TMEFF1: variants seen among roughly 807,000 people sequenced by gnomAD.
TMEFF1 encodes tomoregulin-1.
A neutral mutation model predicts 47.5 loss-of-function variants in TMEFF1; 20 were observed. That is an observed-to-expected ratio of 0.42 (90% CI 0.30 to 0.61). The LOEUF (loss-of-function observed/expected upper bound fraction) is 0.61, where lower values mean the gene tolerates loss of function less well. Ranked by LOEUF, TMEFF1 falls within the 20% of genes least tolerant of loss-of-function variation. TMEFF1 has a pLI of 0.19. For missense variants in TMEFF1, 411 were observed against 471.1 expected (o/e 0.87, Z 1.18); for synonymous variants, 162 against 166.3 (o/e 0.97, Z 0.20).
intron 9 of TMEFF1, among the ~76,000 whole-genome samples, chr9:100,573,476 G>T (rs1839286144): frequency 1.3e-5 from 2 of 152,178 alleles, no homozygotes; most frequent in Non-Finnish European, 2.9e-5. Context: ...CTGGGCCTGA[G>T]AAAAGTCAGA....
intron 5 of TMEFF1, among the ~76,000 whole-genome samples, chr9:100,532,361 C>A (rs1306922697): frequency 6.6e-6 from 1 of 152,114 alleles, no homozygotes; most frequent in African/African-American, 2.4e-5. Context: ...GGGCTAATAT[C>A]CAGAATCTAC....
chr9:100,503,025 T>C (rs372395908), intron 2 of TMEFF1, among the ~76,000 whole-genome samples: 51 of 152,288 alleles, frequency 3.3e-4, no homozygotes, highest in African/African-American at 1.1e-3. Context: ...CTTTATAAGA[T>C]TATAAATCTG....
intron 5 of TMEFF1, among the ~76,000 whole-genome samples, chr9:100,538,109 T>C (rs1838555802): frequency 6.6e-6 from 1 of 152,094 alleles, no homozygotes; most frequent in African/African-American, 2.4e-5. Flanking sequence ...CTAGAGTGCA[T>C]TGGCGCAGTA....
At chr9:100,531,629 G>C (rs1838379912) in intron 5 of TMEFF1, among the ~76,000 whole-genome samples, 1 of 152,098 alleles carries the variant, frequency 6.6e-6, no homozygotes, top group Admixed American at 6.6e-5. Flanking sequence ...TCATGGGTAG[G>C]AAGAATCAAT....
intron 7 of TMEFF1, among the ~76,000 whole-genome samples, chr9:100,551,020 A>G (rs1838819926): frequency 1.3e-5 from 2 of 152,258 alleles, no homozygotes; most frequent in Non-Finnish European, 2.9e-5. Context: ...AAGATTGAGG[A>G]TCAATGAGGT....
intron 5 of TMEFF1, among the ~76,000 whole-genome samples, chr9:100,529,283 A>T (rs201403973): frequency 3.2e-4 from 47 of 147,108 alleles, no homozygotes; most frequent in South Asian, 4.4e-4. Flanking sequence ...TCCAATTAAA[A>T]GACACAGACT....
intron 1 of TMEFF1, among the ~76,000 whole-genome samples, chr9:100,493,396 G>A (rs1161315170): frequency 6.6e-6 from 1 of 152,150 alleles, no homozygotes; most frequent in Admixed American, 6.5e-5. Flanking sequence ...GTATCATTCT[G>A]GAAGGCTGCT....
chr9:100,514,703 A>C lies in TMEFF1; in HGVS notation c.463+1370A>C, dbSNP rs547718445. Among the ~76,000 whole-genome samples, 17 of 151,806 alleles carry C rather than the reference A, an allele frequency of 1.1e-4. No homozygotes were observed. In the East Asian group the frequency reaches 2.3e-3, roughly 21 times the overall value. ...CTGTCTCTACCCCAAAAAAAAAAAA[A>C]AAAACAAAAGGCCGGGCACAGTGGC... On this transcript the variant is annotated intron_variant, in intron 4 of 9. Transcript: ENST00000374879.
intron 1 of TMEFF1, among the ~76,000 whole-genome samples, chr9:100,476,988 G>A (rs933966778): frequency 2.0e-5 from 3 of 152,160 alleles, no homozygotes; most frequent in Non-Finnish European, 2.9e-5. Context: ...GAGCCACCGC[G>A]CCCGGCCTAT....
intron 4 of TMEFF1, among the ~76,000 whole-genome samples, chr9:100,514,686 A>ACC (rs199779857): frequency 1.6e-5 from 2 of 123,766 alleles, no homozygotes; most frequent in African/African-American, 6.5e-5. Flanking sequence ...CCCTGTCTCT[A>ACC]CCCCAAAAAA....
At position 100,479,023 on chromosome 9, in the gene TMEFF1, C is replaced by T. The variant is rs146868336; in HGVS notation, c.196+5283C>T. 2.6e-3 allele frequency among the ~76,000 whole-genome samples: 394 copies of T among 152,142 alleles called. 2 individuals are homozygous for T. Among genetic ancestry groups the T allele is most frequent in the South Asian group, 0.021 (99 of 4,814 alleles). On this transcript the variant is annotated intron_variant, in intron 1 of 9. Coordinates refer to ENST00000374879, the MANE Select transcript of TMEFF1 (RefSeq NM_003692.5). The stretch of plus-strand genomic sequence containing the variant: ...TGGTGGTAGGAATGGTATTAATGGA[C>T]GATATAAATGTCAGATTATGAGAAG...
chr9:100,542,508 T>C (rs1459663208), intron 5 of TMEFF1, among the ~76,000 whole-genome samples: 1 of 152,246 alleles, frequency 6.6e-6, no homozygotes, highest in African/African-American at 2.4e-5. Flanking sequence ...ACTTTTATTT[T>C]ACCCTTATTC....
chr9:100,572,133 C>T (rs1344006540), intron 8 of TMEFF1, among the ~76,000 whole-genome samples: 1 of 151,634 alleles, frequency 6.6e-6, no homozygotes, highest in Non-Finnish European at 1.5e-5. Context: ...GATAAATATA[C>T]GTAATTTTAT....
At chr9:100,568,086 G>A (rs1027102413) in intron 8 of TMEFF1, among the ~76,000 whole-genome samples, 2 of 152,144 alleles carry the variant, frequency 1.3e-5, no homozygotes, top group African/African-American at 4.8e-5. Context: ...GGGAGTTGTG[G>A]GAGTTACTAT....
At chr9:100,482,444 C>T (rs546343420) in intron 1 of TMEFF1, among the ~76,000 whole-genome samples, 10 of 149,436 alleles carry the variant, frequency 6.7e-5, no homozygotes, top group South Asian at 4.3e-4. Flanking sequence ...GTAATCTGCC[C>T]GCCTCGGCCT....
intron 5 of TMEFF1, 88 bp from the exon 6 acceptor site, chr9:100,547,656 C>T: frequency 7.5e-7 from 1 of 1,326,702 alleles, no homozygotes; most frequent in Non-Finnish European, 9.8e-7. Context: ...TTACAGAAAG[C>T]AGAAGAAAGA....
chr9:100,522,430 C>CTTTTTTTT lies in TMEFF1; in HGVS notation c.560+5677_560+5684dup, dbSNP rs869111876. 3.2e-3 allele frequency among the ~76,000 whole-genome samples: 223 copies of CTTTTTTTT among 69,640 alleles called. 16 individuals carry two copies. Among genetic ancestry groups the CTTTTTTTT allele is most frequent in the Non-Finnish European group, 4.2e-3 (159 of 38,062 alleles). 45.7% of individuals were successfully genotyped at this position (69,640 alleles called of 152,430 possible). On this transcript the variant is annotated intron_variant, in intron 5 of 9. Transcript: ENST00000374879. ...AGGTTCCTTTATCCAGAAATATCTTCTTTTTTTTTTTTTTTTTTTTTTTTT... is the reference window on the plus strand; with the variant it reads ...AGGTTCCTTTATCCAGAAATATCTTCTTTTTTTTTTTTTTTTTTTTTTTTTTTTTTTTT...
rs527974377 is a variant in TMEFF1, at chr9:100,554,055, A to G, written c.775+3895A>G. 3.9e-5 allele frequency among the ~76,000 whole-genome samples: 6 copies of G among 152,258 alleles called. No individual in the cohort carries two copies. The South Asian group carries it at 1.2e-3, about 32-fold the overall frequency. ...TACCACCCTTTTTATTATTATGAAG[A>G]CATTCTCACTTTGTTCCTGAGCTCC... On this transcript the variant is annotated intron_variant, in intron 7 of 9. Transcript: ENST00000374879.
chr9:100,526,663 T>A (rs1040008388), intron 5 of TMEFF1, among the ~76,000 whole-genome samples: 25 of 152,140 alleles, frequency 1.6e-4, no homozygotes, highest in Non-Finnish European at 4.4e-5. Context: ...GATTTTCTTT[T>A]CTATCAATCA....
Sources: gnomAD v4.1 joint callset for allele counts (sites outside exome capture counted in the v4.1 genomes callset) on GRCh38, gnomAD v4.1.1 for gene constraint, MANE v1.5 for transcripts, NCBI Gene and HGNC (gene_info 2026-07-23, HGNC 2026-07-21) for gene names.